Variants in ZNF469 observed in about 807,000 individuals in gnomAD.
The protein encoded by ZNF469 is zinc finger protein 469.
In ZNF469, 1 loss-of-function variant was observed where a neutral mutation model predicts 1.0. The ratio of observed to expected loss-of-function variants is 1.00; its 90% confidence interval spans 0.35 to 4.73. The LOEUF (loss-of-function observed/expected upper bound fraction) is 4.73, where lower values mean the gene tolerates loss of function less well. ZNF469 is among the 30% of genes most tolerant of loss of function. ZNF469 has a pLI of 0.16. For missense variants in ZNF469, 6,100 were observed against 5,356.3 expected (o/e 1.14, Z -4.33); for synonymous variants, 2,703 against 2,363.4 (o/e 1.14, Z -4.17).
At chr16:88,204,350 C>A in the ZNF469 span, among the ~76,000 whole-genome samples, 1 of 152,184 alleles carries the variant, frequency 6.6e-6, no homozygotes, top group Admixed American at 6.5e-5. Context: ...GTACCCCAGG[C>A]CTTGTCTGTT....
the ZNF469 span, among the ~76,000 whole-genome samples, chr16:88,235,183 G>T: frequency 6.6e-6 from 1 of 152,180 alleles, no homozygotes; most frequent in African/African-American, 2.4e-5. Flanking sequence ...TCCAGGGATG[G>T]AGAGGGTCCT....
the ZNF469 span, among the ~76,000 whole-genome samples, chr16:88,152,146 T>C: frequency 2.0e-5 from 3 of 152,300 alleles, no homozygotes; most frequent in East Asian, 5.8e-4. This position sits in a 1 kb window ranked among gnomAD's most constrained non-coding sequence, Gnocchi z 4.2. Flanking sequence ...TCTCAGGCTG[T>C]GGATGCAAAA....
chr16:88,222,120 T>A, the ZNF469 span, among the ~76,000 whole-genome samples: 4 of 152,140 alleles, frequency 2.6e-5, no homozygotes, highest in Admixed American at 2.0e-4. Context: ...CCTAGGCACA[T>A]ACTCTCATCC....
At chr16:88,298,136 C>A in the ZNF469 span, among the ~76,000 whole-genome samples, 1 of 152,348 alleles carries the variant, frequency 6.6e-6, no homozygotes, top group South Asian at 2.1e-4. Context: ...GACAGTCCCC[C>A]ACCCCCTGCC....
At position 88,432,615 on chromosome 16, in the gene ZNF469, G is replaced by GC; in HGVS notation, c.5152dup (p.Gln1718ProfsTer7). On this transcript the variant is annotated frameshift_variant, in exon 3 of 3. Coordinates refer to ENST00000565624, the MANE Select transcript of ZNF469 (RefSeq NM_001367624.2). LOFTEE classifies it low-confidence loss of function (END_TRUNC). The stretch of plus-strand genomic sequence containing the variant: ...TTTGCCAGGCAGAAGGAGACAGCAG[G>GC]CCCCCCCAAGATGTCTGCCTGCCTG... The GC allele has an allele frequency of 4.5e-6, 7 of 1,550,322 alleles. No homozygotes were observed. The highest frequency in any genetic ancestry group is 1.2e-5 in the South Asian group (1 of 84,056).
rs184894059 is a variant in ZNF469 at position 88,430,942 on chromosome 16, C to A, written c.3472C>A (p.Pro1158Thr). 4 of 1,535,624 alleles carry A rather than the reference C, an allele frequency of 2.6e-6. No homozygotes were observed. Among genetic ancestry groups the A allele is most frequent in the Middle Eastern group, 1.9e-4 (1 of 5,188 alleles). ...CGGAGCCCCCGCGAACCCCGAGGAG[C>A]CGGGCGGGTCTCGCCCGGGCCCCGG... ...GDGAPANPEEPGGSRPGPGRS... is the reference protein window; with the variant it reads ...GDGAPANPEETGGSRPGPGRS... Residue 1158 changes from proline to threonine, a missense_variant, in exon 3 of 3, where the codon CCG becomes ACG. Pro to Thr is a conservative substitution (Grantham distance 38, BLOSUM62 -1). Transcript: ENST00000565624.
At chr16:88,312,004 G>A in the ZNF469 span, among the ~76,000 whole-genome samples, 1 of 152,174 alleles carries the variant, frequency 6.6e-6, no homozygotes, top group South Asian at 2.1e-4. Context: ...AGTTCCACAT[G>A]GCTGTGGAGG....
intron 1 of ZNF469, among the ~76,000 whole-genome samples, chr16:88,423,979 ATGTG>A (rs1340040770): frequency 3.3e-5 from 5 of 152,260 alleles, no homozygotes; most frequent in Admixed American, 6.5e-5. Flanking sequence ...GTGTTAAAGA[ATGTG>A]TGGCCATATT....
At chr16:88,249,916 T>G in the ZNF469 span, among the ~76,000 whole-genome samples, 1 of 152,220 alleles carries the variant, frequency 6.6e-6, no homozygotes, top group African/African-American at 2.4e-5. Context: ...AAGGCCCCTG[T>G]GCCAAGTGCT....
chr16:88,113,068 G>A, the ZNF469 span, among the ~76,000 whole-genome samples: 136 of 151,900 alleles, frequency 9.0e-4, no homozygotes, highest in Non-Finnish European at 1.5e-3. Flanking sequence ...GTGAGCCACC[G>A]CGCCTGGCCT....
At chr16:88,375,871 G>C in the ZNF469 span, among the ~76,000 whole-genome samples, 1 of 152,218 alleles carries the variant, frequency 6.6e-6, no homozygotes, top group African/African-American at 2.4e-5. Flanking sequence ...TGGCAAAAAC[G>C]GAAGCATGAT....
the ZNF469 span, chr16:88,193,809 AG>A: frequency 6.6e-6 from 1 of 152,266 alleles, no homozygotes; most frequent in East Asian, 1.9e-4. Context: ...CAGTAGAGAC[AG>A]TGTCTGGTGA....
intron 1 of ZNF469, among the ~76,000 whole-genome samples, chr16:88,418,457 C>T (rs1266437603): frequency 6.6e-6 from 1 of 152,138 alleles, no homozygotes; most frequent in Non-Finnish European, 1.5e-5. Flanking sequence ...GAGAGGGGGG[C>T]TGCCGTTCTT....
At chr16:88,116,222 G>C in the ZNF469 span, among the ~76,000 whole-genome samples, 9 of 152,212 alleles carry the variant, frequency 5.9e-5, no homozygotes, top group African/African-American at 2.2e-4. Flanking sequence ...GGCATGGCAG[G>C]TGCTCCTTGC....
the ZNF469 span, among the ~76,000 whole-genome samples, chr16:88,366,586 A>G: frequency 5.7e-4 from 27 of 47,116 alleles, no homozygotes; most frequent in African/African-American, 1.0e-3. Flanking sequence ...CACCTTCACC[A>G]CCATCATCAT....
At position 88,437,220 on chromosome 16, in the gene ZNF469, G is replaced by C; in HGVS notation, c.9750G>C (p.Gly3250=). The change falls in exon 3 of 3, where the codon GGG becomes GGC. Residue 3250 remains glycine, a synonymous_variant. Transcript: ENST00000565624. ...AGCGCTCCGCCGGCAAGGCCGCCGGGAGCCCGGGAGACCCGTGGGGGCAAG... is the reference window on the plus strand; with the variant it reads ...AGCGCTCCGCCGGCAAGGCCGCCGGCAGCCCGGGAGACCCGTGGGGGCAAG... The part of the protein sequence containing the change: ...RGKRSAGKAA[G]SPGDPWGQEG... 1 of 1,549,350 alleles carries C rather than the reference G, an allele frequency of 6.5e-7. No individual in the cohort carries two copies. Among genetic ancestry groups the C allele is most frequent in the Non-Finnish European group, 8.7e-7 (1 of 1,146,466 alleles).
the ZNF469 span, among the ~76,000 whole-genome samples, chr16:88,268,407 C>T: frequency 0.27 from 41,574 of 151,836 alleles, 6,728 homozygotes; most frequent in Non-Finnish European, 0.36. Context: ...CCCAGGACCC[C>T]GTGTGACACT....
At chr16:88,403,949 G>T (rs980627891) in intron 1 of ZNF469, among the ~76,000 whole-genome samples, 1 of 152,190 alleles carries the variant, frequency 6.6e-6, no homozygotes, top group Non-Finnish European at 1.5e-5. Context: ...CTGTGGCTTC[G>T]GGCGGTGCTG....
the ZNF469 span, among the ~76,000 whole-genome samples, chr16:88,356,431 T>C: frequency 6.6e-6 from 1 of 152,098 alleles, no homozygotes; most frequent in Non-Finnish European, 1.5e-5. Flanking sequence ...TGTTTTAGTA[T>C]AAACAAATGT....
Sources: gnomAD v4.1 joint callset for allele counts (sites outside exome capture counted in the v4.1 genomes callset) on GRCh38, gnomAD v4.1.1 for gene constraint, Gnocchi (gnomAD v3.1) non-coding constraint, MANE v1.5 for transcripts, NCBI Gene and HGNC (gene_info 2026-07-23, HGNC 2026-07-21) for gene names.